AGBL4: variants seen among roughly 807,000 people sequenced by gnomAD.
AGBL4 encodes the protein cytosolic carboxypeptidase 6.
AGBL4 carries 58 observed loss-of-function variants against 66.4 expected under a neutral mutation model. That is an observed-to-expected ratio of 0.87 (90% CI 0.71 to 1.09). AGBL4 has a LOEUF of 1.09. Ranked by LOEUF, AGBL4 falls within the 50% of genes least tolerant of loss-of-function variation. The probability of loss-of-function intolerance (pLI) is 0.00; values close to 1 mark genes in which losing one functional copy is unlikely to be tolerated. For synonymous variants in AGBL4, 234 were observed against 222.9 expected (o/e 1.05, Z -0.44); for missense variants, 579 against 631.0 (o/e 0.92, Z 0.88).
At chr1:48,543,758 G>C (rs57515030) in intron 11 of AGBL4, among the ~76,000 whole-genome samples, 22 of 152,220 alleles carry the variant, frequency 1.4e-4, no homozygotes, top group Non-Finnish European at 2.6e-4. Flanking sequence ...CATGGCCTAG[G>C]ACATGAAACT....
intron 3 of AGBL4, among the ~76,000 whole-genome samples, chr1:49,495,498 A>G (rs1352079830): frequency 6.6e-6 from 1 of 151,934 alleles, no homozygotes; most frequent in Non-Finnish European, 1.5e-5. Context: ...GTTAGCACAG[A>G]CCATGTTCGT....
chr1:48,933,937 T>C (rs1402975927), intron 5 of AGBL4, among the ~76,000 whole-genome samples: 2 of 152,210 alleles, frequency 1.3e-5, no homozygotes, highest in African/African-American at 2.4e-5. Flanking sequence ...TCTTCTTGGT[T>C]CCCCTTGCTG....
At chr1:49,899,559 G>A (rs75423662) in intron 1 of AGBL4, among the ~76,000 whole-genome samples, 545 of 151,380 alleles carry the variant, frequency 3.6e-3, no homozygotes, top group Non-Finnish European at 5.4e-3. Flanking sequence ...CTTACTATGT[G>A]GTCTTAATTA....
intron 6 of AGBL4, among the ~76,000 whole-genome samples, chr1:48,716,378 A>T (rs1647050917): frequency 6.6e-6 from 1 of 151,584 alleles, no homozygotes; most frequent in Non-Finnish European, 1.5e-5. Flanking sequence ...CCACATCTTC[A>T]TAATGGGAAT....
intron 5 of AGBL4, among the ~76,000 whole-genome samples, chr1:49,036,008 G>C (rs1400369587): frequency 1.3e-5 from 2 of 151,578 alleles, no homozygotes; most frequent in African/African-American, 4.9e-5. Flanking sequence ...ACTAACTATT[G>C]GATACTATGC....
chr1:48,981,388 T>C (rs560725284), intron 5 of AGBL4, among the ~76,000 whole-genome samples: 5 of 152,172 alleles, frequency 3.3e-5, no homozygotes, highest in East Asian at 3.8e-4. Flanking sequence ...CCCTGTGAGA[T>C]AGGTTTGTCA....
intron 11 of AGBL4, among the ~76,000 whole-genome samples, chr1:48,549,886 C>T (rs758600816): frequency 4.6e-5 from 7 of 151,832 alleles, no homozygotes; most frequent in African/African-American, 7.3e-5. Flanking sequence ...GAAGCACAGC[C>T]GCAGAGGACA....
At chr1:49,329,788 T>A (rs1645296956) in intron 3 of AGBL4, among the ~76,000 whole-genome samples, 1 of 152,206 alleles carries the variant, frequency 6.6e-6, no homozygotes, top group South Asian at 2.1e-4. Flanking sequence ...GAAATCTTTC[T>A]GAGTTTGTCA....
intron 3 of AGBL4, among the ~76,000 whole-genome samples, chr1:49,445,096 T>A (rs190298426): frequency 6.7e-4 from 102 of 152,224 alleles, no homozygotes; most frequent in Admixed American, 1.2e-3. Context: ...AAAACTCTTC[T>A]TCATTTATGA....
chr1:49,226,833 A>G (rs141633113), intron 4 of AGBL4, among the ~76,000 whole-genome samples: 1 of 152,346 alleles, frequency 6.6e-6, no homozygotes. Context: ...TATTAACAAA[A>G]TATCATAAGC....
intron 3 of AGBL4, among the ~76,000 whole-genome samples, chr1:49,492,555 C>T (rs1647214930): frequency 6.6e-6 from 1 of 151,898 alleles, no homozygotes; most frequent in Non-Finnish European, 1.5e-5. Flanking sequence ...GTGATTGCAT[C>T]TGTGTTCCTT....
At chr1:48,655,542 A>T (rs1228200491) in intron 7 of AGBL4, among the ~76,000 whole-genome samples, 1 of 152,232 alleles carries the variant, frequency 6.6e-6, no homozygotes, top group Non-Finnish European at 1.5e-5. Context: ...TAGTTTTCTC[A>T]TCTTGATATA....
intron 5 of AGBL4, among the ~76,000 whole-genome samples, chr1:48,880,451 T>C (rs1649670805): frequency 6.6e-6 from 1 of 152,206 alleles, no homozygotes. Context: ...CTTTTTCATA[T>C]AATGACTTCT....
intron 4 of AGBL4, among the ~76,000 whole-genome samples, chr1:49,083,854 T>G (rs962312140): frequency 6.6e-5 from 10 of 152,244 alleles, no homozygotes; most frequent in Non-Finnish European, 1.2e-4. Flanking sequence ...TGAATGCTTT[T>G]AAGAGCATCC....
chr1:48,655,056 C>T (rs1645998140), intron 7 of AGBL4, among the ~76,000 whole-genome samples: 1 of 152,186 alleles, frequency 6.6e-6, no homozygotes, highest in African/African-American at 2.4e-5. Flanking sequence ...AGAATGGCTT[C>T]TGGAAATGGA....
At chr1:49,527,840 C>T (rs989133297) in intron 3 of AGBL4, among the ~76,000 whole-genome samples, 1 of 152,040 alleles carries the variant, frequency 6.6e-6, no homozygotes, top group Non-Finnish European at 1.5e-5. Flanking sequence ...CTCAACTCAG[C>T]AGACAGGAAA....
At chr1:49,831,269 C>T (rs1242128048) in intron 2 of AGBL4, among the ~76,000 whole-genome samples, 3 of 152,122 alleles carry the variant, frequency 2.0e-5, no homozygotes, top group Admixed American at 2.0e-4. Context: ...TCGTTTGTGT[C>T]CTCTCTTATT....
chr1:48,531,986 G>T (rs575197753), downstream of AGBL4, among the ~76,000 whole-genome samples: 334 of 152,224 alleles, frequency 2.2e-3, 1 homozygote, highest in Non-Finnish European at 3.7e-3. Context: ...CTTTCTCCAT[G>T]TTGGCCAGGC....
chr1:48,813,413 T>C (rs1646102378), intron 6 of AGBL4, among the ~76,000 whole-genome samples: 1 of 152,118 alleles, frequency 6.6e-6, no homozygotes, highest in South Asian at 2.1e-4. Flanking sequence ...TCAAGTAGGT[T>C]GTTCTTAGAT....
Sources: allele counts gnomAD v4.1 joint callset (sites outside exome capture counted in the v4.1 genomes callset), GRCh38; gene constraint gnomAD v4.1.1; transcripts MANE v1.5; gene names NCBI Gene and HGNC (gene_info 2026-07-23, HGNC 2026-07-21).